The following SENP6 variants were observed in gnomAD, a reference collection of about 807,000 sequenced individuals.
SENP6 encodes sentrin-specific protease 6.
SENP6 carries 41 observed loss-of-function variants against 134.5 expected under a neutral mutation model. That is an observed-to-expected ratio of 0.30 (90% confidence interval 0.24 to 0.40). The LOEUF is 0.40. Among genes scored for constraint, SENP6 ranks in the 10% least tolerant of loss-of-function variants. SENP6 has a pLI of 1.00. For synonymous variants in SENP6, 395 were observed against 429.8 expected (o/e 0.92, Z 1.00); for missense variants, 1,248 against 1,312.5 (o/e 0.95, Z 0.76).
At chr6:75,675,195 A>G (rs569171304) in intron 11 of SENP6, among the ~76,000 whole-genome samples, 11 of 149,312 alleles carry the variant, frequency 7.4e-5, no homozygotes, top group Non-Finnish European at 1.2e-4. Context: ...TTAAAAAAAG[A>G]AAAAAAAAAG....
chr6:75,652,683 C>A (rs139292176), intron 7 of SENP6, among the ~76,000 whole-genome samples: 90 of 75,830 alleles, frequency 1.2e-3, no homozygotes, highest in African/African-American at 3.0e-3. Flanking sequence ...CTAAAAATCT[C>A]AAAAAAAAAA....
chr6:75,682,153 T>C (rs1773508361), intron 16 of SENP6, among the ~76,000 whole-genome samples: 1 of 152,152 alleles, frequency 6.6e-6, no homozygotes, highest in South Asian at 2.1e-4. Flanking sequence ...AAGGATGTTA[T>C]GTAATGATAA....
chr6:75,624,524 A>G (rs149651964), intron 3 of SENP6, among the ~76,000 whole-genome samples: 133 of 152,150 alleles, frequency 8.7e-4, no homozygotes, highest in African/African-American at 3.1e-3. Context: ...ATCTGAACGT[A>G]TCTGTTTCCC....
chr6:75,610,266 T>C lies in SENP6; in HGVS notation c.52+7690T>C, dbSNP rs142374144. The stretch of plus-strand genomic sequence containing the variant: ...TTACTTAAGCTCTTAGAAATGGTCA[T>C]ACTATTCACGATACTAAAAGTAAAA... On this transcript the variant is annotated intron_variant, in intron 1 of 23. Coordinates refer to ENST00000447266, the MANE Select transcript of SENP6 (RefSeq NM_015571.4). Among the ~76,000 whole-genome samples the C allele has an allele frequency of 1.9e-3, 294 of 152,352 alleles. 2 individuals carry two copies. Among genetic ancestry groups the C allele is most frequent in the African/African-American group, 6.5e-3 (272 of 41,584 alleles).
chr6:75,686,265 C>A (rs1294392198), intron 16 of SENP6, among the ~76,000 whole-genome samples: 1 of 152,076 alleles, frequency 6.6e-6, no homozygotes, highest in African/African-American at 2.4e-5. Context: ...TTCCTCCATC[C>A]CTTTATTTTG....
intron 16 of SENP6, among the ~76,000 whole-genome samples, chr6:75,689,301 A>G (rs766050554): frequency 1.3e-5 from 2 of 152,202 alleles, no homozygotes; most frequent in African/African-American, 2.4e-5. Context: ...GATCCATACA[A>G]GTGGCCAAAA....
At chr6:75,622,568 AAAAC>A (rs777589037) in intron 2 of SENP6, among the ~76,000 whole-genome samples, 5 of 152,188 alleles carry the variant, frequency 3.3e-5, no homozygotes, top group Non-Finnish European at 5.9e-5. Flanking sequence ...CAACAAAACA[AAAAC>A]AAACAAAAAA....
At chr6:75,714,988 G>A (rs1775950644) in intron 23 of SENP6, among the ~76,000 whole-genome samples, 1 of 152,178 alleles carries the variant, frequency 6.6e-6, no homozygotes, top group African/African-American at 2.4e-5. Flanking sequence ...CTAAACTGGA[G>A]CTGGCAAACT....
intron 1 of SENP6, among the ~76,000 whole-genome samples, chr6:75,609,616 G>T (rs1050191833): frequency 1.3e-5 from 2 of 152,150 alleles, no homozygotes; most frequent in Non-Finnish European, 2.9e-5. Context: ...CAACAGTCAT[G>T]TGGTATTTTA....
chr6:75,653,881 A>G (rs988644578), intron 7 of SENP6, among the ~76,000 whole-genome samples: 1 of 152,218 alleles, frequency 6.6e-6, no homozygotes, highest in African/African-American at 2.4e-5. Flanking sequence ...ATGTGGTATC[A>G]TAAAGGAGTG....
At chr6:75,641,088 T>C (rs1769992761) in intron 6 of SENP6, among the ~76,000 whole-genome samples, 1 of 152,130 alleles carries the variant, frequency 6.6e-6, no homozygotes, top group Non-Finnish European at 1.5e-5. Flanking sequence ...AATTTTGTAT[T>C]TGTGAACCCA....
chr6:75,696,701 T>G (rs1774688219), intron 17 of SENP6, among the ~76,000 whole-genome samples: 1 of 152,174 alleles, frequency 6.6e-6, no homozygotes, highest in South Asian at 2.1e-4. Context: ...GGTTTCAAAC[T>G]CCTGGGCTCA....
intron 19 of SENP6, among the ~76,000 whole-genome samples, chr6:75,706,289 G>C (rs1354398114): frequency 6.6e-6 from 1 of 152,060 alleles, no homozygotes; most frequent in Non-Finnish European, 1.5e-5. Context: ...GATGATGGCT[G>C]TGCATATACT....
Position 75,703,067 on chromosome 6 carries a change from A to C in SENP6, c.2711A>C (p.His904Pro). 1 of 1,592,852 alleles carries C rather than the reference A, an allele frequency of 6.3e-7. No homozygotes were observed. The highest frequency in any genetic ancestry group is 8.5e-7 in the Non-Finnish European group (1 of 1,170,066). Residue 904 changes from histidine to proline, a missense_variant, in exon 19 of 24, where the codon CAT (histidine) becomes CCT (proline). By Grantham distance (77) the His-to-Pro change is moderately conservative. Transcript: ENST00000447266. Reference sequence around the variant, plus strand: ...AATGAAAGTTTAAGTTCCACACATCATACAGGTATGTATCTAAATGTTTTG... The same window carrying C: ...AATGAAAGTTTAAGTTCCACACATCCTACAGGTATGTATCTAAATGTTTTG... The part of the protein sequence containing the change: ...LQNESLSSTH[H>P]TDGLSKIRLN...
intron 16 of SENP6, among the ~76,000 whole-genome samples, chr6:75,682,840 A>G (rs1477318257): frequency 6.6e-6 from 1 of 152,126 alleles, no homozygotes; most frequent in African/African-American, 2.4e-5. Flanking sequence ...AGTCTTTGCT[A>G]TTGTGAATAG....
At chr6:75,705,276 G>T (rs1467339543) in intron 19 of SENP6, among the ~76,000 whole-genome samples, 1 of 152,178 alleles carries the variant, frequency 6.6e-6, no homozygotes, top group Non-Finnish European at 1.5e-5. Context: ...GCCAGGTGTG[G>T]TGGCTCACGC....
intron 10 of SENP6, among the ~76,000 whole-genome samples, chr6:75,669,619 G>A (rs965113308): frequency 6.6e-6 from 1 of 152,034 alleles, no homozygotes; most frequent in Non-Finnish European, 1.5e-5. Flanking sequence ...CCTATATGAA[G>A]TGTTTATGAT....
chr6:75,633,395 A>G, intron 3 of SENP6, among the ~76,000 whole-genome samples, 186 bp from the exon 4 acceptor site: 1 of 152,166 alleles, frequency 6.6e-6, no homozygotes, highest in East Asian at 1.9e-4. Context: ...TGTTCCTACA[A>G]ATTTGCATTG....
Position 75,677,231 on chromosome 6 carries a change from G to A in SENP6, c.1823G>A (p.Gly608Glu). ...GAAGAGAGCATCAAAGGAAGTTGTGGGCAAAAGGAAAACAAAATTAAAACT... is the reference window on the plus strand; with the variant it reads ...GAAGAGAGCATCAAAGGAAGTTGTGAGCAAAAGGAAAACAAAATTAAAACT... ...TYEESIKGSC[G>E]QKENKIKTVS... The change falls in exon 14 of 24, where the codon GGG becomes GAG. Residue 608 changes from glycine (G) to glutamate (E), a missense_variant. Transcript: ENST00000447266. 2 of 1,585,968 alleles carry A rather than the reference G, an allele frequency of 1.3e-6. No individual in the cohort carries two copies. Among genetic ancestry groups the A allele is most frequent in the Non-Finnish European group, 1.7e-6 (2 of 1,167,462 alleles).
Sources: allele counts gnomAD v4.1 joint callset (sites outside exome capture counted in the v4.1 genomes callset), GRCh38; gene constraint gnomAD v4.1.1; transcripts MANE v1.5; gene names NCBI Gene and HGNC (gene_info 2026-07-23, HGNC 2026-07-21).